RNASE11: variants seen among roughly 807,000 people sequenced by gnomAD.
RNASE11 encodes ribonuclease A family member 11 (inactive).
For missense variants in RNASE11, 252 were observed against 237.8 expected (o/e 1.06, Z -0.39); for synonymous variants, 105 against 86.1 (o/e 1.22, Z -1.21).
upstream of RNASE11, among the ~76,000 whole-genome samples, chr14:20,589,883 G>A (rs997843184): frequency 2.6e-5 from 4 of 152,108 alleles, no homozygotes; most frequent in East Asian, 3.9e-4. Context: ...GCAAAACTCC[G>A]TCTCAAAAAA....
chr14:20,583,869 T>C (rs1884365410), exon 2 of RNASE11: 2 of 1,599,676 alleles, frequency 1.3e-6, no homozygotes, highest in Non-Finnish European at 1.7e-6. Context: ...TAAAGCTCTG[T>C]GGGATTTACA....
intron 1 of RNASE11, among the ~76,000 whole-genome samples, chr14:20,586,717 C>G (rs1310749039): frequency 6.6e-6 from 1 of 152,150 alleles, no homozygotes; most frequent in Admixed American, 6.5e-5. Flanking sequence ...AATAGGGAAA[C>G]AGAAAGACCA....
exon 2 of RNASE11, chr14:20,584,087 T>C: frequency 1.2e-6 from 2 of 1,614,218 alleles, no homozygotes; most frequent in Non-Finnish European, 1.7e-6. Context: ...CTGTGGACCC[T>C]GCGCATCACT....
chr14:20,588,862 C>A (rs770915704), upstream of RNASE11, among the ~76,000 whole-genome samples: 4 of 152,140 alleles, frequency 2.6e-5, no homozygotes, highest in African/African-American at 7.2e-5. Context: ...TCTCGGCTCA[C>A]TGCAACCTCC....
At chr14:20,587,319 C>T (rs1186823768) in intron 1 of RNASE11, among the ~76,000 whole-genome samples, 1 of 152,114 alleles carries the variant, frequency 6.6e-6, no homozygotes, top group African/African-American at 2.4e-5. Context: ...ATTGGTTCAT[C>T]TCAGTTATAC....
upstream of RNASE11, chr14:20,590,199 C>T (rs914152297): frequency 1.3e-6 from 2 of 1,544,502 alleles, no homozygotes; most frequent in African/African-American, 1.4e-5. Context: ...GCCCCATGTC[C>T]ACGGTCCAGG....
upstream of RNASE11, among the ~76,000 whole-genome samples, chr14:20,589,650 G>A (rs1214193123): frequency 1.3e-5 from 2 of 152,240 alleles, no homozygotes; most frequent in East Asian, 3.9e-4. Flanking sequence ...ACTTTGAGAG[G>A]CTGAGGTGGG....
chr14:20,587,573 T>C (rs887499137), exon 1 of RNASE11: 2 of 985,412 alleles, frequency 2.0e-6, no homozygotes, highest in Non-Finnish European at 2.4e-6. Flanking sequence ...CTGTTCCTGT[T>C]CAGTTTCTAT....
downstream of RNASE11, chr14:20,583,476 C>T (rs896959118): frequency 1.6e-5 from 3 of 186,872 alleles, no homozygotes; most frequent in Non-Finnish European, 3.4e-5. Flanking sequence ...ATATGTCACA[C>T]TCATTCACTA....
chr14:20,584,727 TC>T (rs1440025529), intron 1 of RNASE11, among the ~76,000 whole-genome samples: 1 of 152,206 alleles, frequency 6.6e-6, no homozygotes, highest in Non-Finnish European at 1.5e-5. Context: ...AACTCCAGTT[TC>T]CCCATCTGAA....
chr14:20,586,468 G>A (rs1440379238), intron 1 of RNASE11, among the ~76,000 whole-genome samples: 1 of 151,938 alleles, frequency 6.6e-6, no homozygotes, highest in Non-Finnish European at 1.5e-5. Context: ...AATTTAAAAT[G>A]TCTGTGTGAG....
chr14:20,588,408 G>A (rs892317751), upstream of RNASE11: 9 of 152,176 alleles, frequency 5.9e-5, no homozygotes, highest in Admixed American at 4.6e-4. Context: ...TTAGTAGTCC[G>A]GCTCAAAGTC....
At chr14:20,588,248 T>C (rs559398888), upstream of RNASE11, 1 of 152,336 alleles carries the variant, frequency 6.6e-6, no homozygotes, top group African/African-American at 2.4e-5. Flanking sequence ...AACTAATGAA[T>C]AGAGAAGAAG....
exon 2 of RNASE11, chr14:20,583,854 A>C: frequency 6.3e-7 from 1 of 1,578,088 alleles, no homozygotes; most frequent in Non-Finnish European, 8.6e-7. Flanking sequence ...GTAAGACCCT[A>C]GTCCTAAAGC....
At chr14:20,585,222 G>T in intron 1 of RNASE11, 1 of 245,208 alleles carries the variant, frequency 4.1e-6, no homozygotes, top group Non-Finnish European at 6.5e-6. Context: ...AGGGAGAACT[G>T]AACAAAGTGC....
upstream of RNASE11, among the ~76,000 whole-genome samples, chr14:20,589,210 T>C (rs1226774811): frequency 6.6e-6 from 1 of 152,112 alleles, no homozygotes; most frequent in African/African-American, 2.4e-5. Flanking sequence ...CCTTGTCAGA[T>C]TGGATCTTCA....
chr14:20,585,051 G>C, intron 1 of RNASE11: 1 of 984,790 alleles, frequency 1.0e-6, no homozygotes, highest in Non-Finnish European at 1.2e-6. Flanking sequence ...AGTTGATCCT[G>C]TAGAGGAAGA....
upstream of RNASE11, chr14:20,587,901 A>G (rs1884469700): frequency 1.1e-6 from 1 of 946,782 alleles, no homozygotes; most frequent in Non-Finnish European, 1.3e-6. Flanking sequence ...CAAATGAGCA[A>G]TGAACAGCTG....
upstream of RNASE11, chr14:20,587,913 AG>A: frequency 1.2e-5 from 11 of 912,108 alleles, no homozygotes; most frequent in Non-Finnish European, 1.4e-5. Flanking sequence ...GAACAGCTGA[AG>A]TCTCTCAACT....
Sources: allele counts gnomAD v4.1 joint callset (sites outside exome capture counted in the v4.1 genomes callset), GRCh38; gene constraint gnomAD v4.1.1; transcripts MANE v1.5; gene names NCBI Gene and HGNC (gene_info 2026-07-23, HGNC 2026-07-21).